The following MYO9A variants were observed in gnomAD, a reference collection of about 807,000 sequenced individuals.
The protein encoded by MYO9A is myosin IXA, also known as unconventional myosin-IXa.
Under a neutral mutation model 293.3 loss-of-function variants are expected in MYO9A, and 103 were observed. The observed-to-expected ratio is 0.35, with a 90% CI of 0.30 to 0.41. MYO9A has a LOEUF of 0.41. Ranked by LOEUF, MYO9A falls within the 10% of genes least tolerant of loss-of-function variation. The pLI is 1.00. For synonymous variants in MYO9A, 1,001 were observed against 1,035.7 expected (o/e 0.97, Z 0.64); for missense variants, 2,685 against 3,033.0 (o/e 0.89, Z 2.69).
At chr15:71,860,668 T>TA (rs199627068) in intron 33 of MYO9A, among the ~76,000 whole-genome samples, 1,942 of 152,116 alleles carry the variant, frequency 0.013, 59 homozygotes, top group Admixed American at 0.058. Flanking sequence ...CTAATTCTAT[T>TA]AAAAAATCAA....
chr15:71,994,613 T>C (rs534254205), intron 9 of MYO9A, 28 bp from the exon 10 acceptor site: 2 of 1,373,176 alleles, frequency 1.5e-6, no homozygotes, highest in East Asian at 2.3e-5. Flanking sequence ...TACAAGTGCA[T>C]GTAGAATTGA....
At chr15:71,913,515 C>T (rs1230621978) in intron 19 of MYO9A, among the ~76,000 whole-genome samples, 3 of 152,164 alleles carry the variant, frequency 2.0e-5, no homozygotes, top group Non-Finnish European at 2.9e-5. Context: ...TTAAAAGATA[C>T]ATTATAGCTA....
At chr15:71,876,105 G>A (rs182361680) in intron 31 of MYO9A, among the ~76,000 whole-genome samples, 37 of 151,886 alleles carry the variant, frequency 2.4e-4, no homozygotes, top group Non-Finnish European at 4.0e-4. Context: ...AGAAGCCACC[G>A]CCATATTAAT....
At chr15:71,971,593 GAAAAAAAAAGA>G (rs1237415192) in intron 12 of MYO9A, among the ~76,000 whole-genome samples, 20 of 53,702 alleles carry the variant, frequency 3.7e-4, no homozygotes, top group Middle Eastern at 9.4e-3. Context: ...CAAAAAAAAA[GAAAAAAAAAGA>G]AAAAAAAAAA....
intron 26 of MYO9A, chr15:71,888,350 C>G (rs1478406951): frequency 3.9e-6 from 1 of 255,454 alleles, no homozygotes; most frequent in East Asian, 7.1e-5. Flanking sequence ...TATTTTCTGA[C>G]AATTTAAAAA....
intron 1 of MYO9A, among the ~76,000 whole-genome samples, chr15:72,092,752 C>T (rs183745842): frequency 1.4e-4 from 21 of 152,248 alleles, no homozygotes; most frequent in Middle Eastern, 3.4e-3. Flanking sequence ...GTTTGAATTT[C>T]ATATGATTTT....
intron 16 of MYO9A, 64 bp from the exon 17 acceptor site, chr15:71,935,548 GTAAAA>G (rs2145880501): frequency 7.1e-7 from 1 of 1,409,806 alleles, no homozygotes; most frequent in African/African-American, 1.5e-5. Context: ...GCTTAAATAA[GTAAAA>G]TAAAACTTTA....
intron 26 of MYO9A, chr15:71,891,767 T>C (rs1205882255): frequency 6.6e-6 from 1 of 152,160 alleles, no homozygotes; most frequent in Non-Finnish European, 1.5e-5. Flanking sequence ...GTTTTTGCCT[T>C]CATAAAACAT....
chr15:72,068,986 T>C (rs922675179), intron 1 of MYO9A, among the ~76,000 whole-genome samples: 4 of 152,170 alleles, frequency 2.6e-5, no homozygotes. Flanking sequence ...TTGCCACTTG[T>C]CTAAGGTTAC....
intron 18 of MYO9A, among the ~76,000 whole-genome samples, chr15:71,918,351 T>C (rs1665773450): frequency 6.6e-6 from 1 of 152,076 alleles, no homozygotes; most frequent in South Asian, 2.1e-4. Context: ...CTTCAAAAAA[T>C]AATGAAAAAT....
chr15:72,012,976 G>GT (rs1265314810), intron 6 of MYO9A, among the ~76,000 whole-genome samples: 1 of 152,122 alleles, frequency 6.6e-6, no homozygotes, highest in Non-Finnish European at 1.5e-5. Context: ...AAAAAAATGT[G>GT]TATTAATTTC....
chr15:72,066,600 C>A (rs974159153), intron 1 of MYO9A, among the ~76,000 whole-genome samples: 1 of 151,950 alleles, frequency 6.6e-6, no homozygotes, highest in Non-Finnish European at 1.5e-5. Context: ...GATACAGACA[C>A]CAGAAGCATG....
In MYO9A at chr15:72,117,677, T is replaced by C. The variant is rs2151287644; in HGVS notation, c.-72+3A>G. The C allele has an allele frequency of 5.0e-6, 2 of 396,374 alleles. No individual in the cohort carries two copies. The highest frequency in any genetic ancestry group is 8.9e-6 in the Non-Finnish European group (2 of 225,006). 24.6% of individuals were successfully genotyped at this position (396,374 alleles called of 1,614,324 possible). On this transcript the variant is annotated splice_donor_region_variant and intron_variant, in intron 1 of 41. Transcript: ENST00000356056. ...GGCCGCTGGGCGCTTGGGCGGGTCTTACCTCGGGCTCCGCCGCGGTGGCCA... is the reference window on the plus strand; with the variant it reads ...GGCCGCTGGGCGCTTGGGCGGGTCTCACCTCGGGCTCCGCCGCGGTGGCCA...
intron 18 of MYO9A, among the ~76,000 whole-genome samples, chr15:71,923,051 A>C (rs1022847509): frequency 6.6e-6 from 1 of 152,090 alleles, no homozygotes; most frequent in Admixed American, 6.5e-5. Context: ...GTTGAGGTAC[A>C]TCTGTTCTGT....
At chr15:72,019,676 G>T (rs950087814) in intron 5 of MYO9A, among the ~76,000 whole-genome samples, 1 of 152,090 alleles carries the variant, frequency 6.6e-6, no homozygotes, top group African/African-American at 2.4e-5. Flanking sequence ...ATTAATATAG[G>T]TAGTTTCAAA....
intron 31 of MYO9A, among the ~76,000 whole-genome samples, chr15:71,877,440 C>T (rs1017917178): frequency 1.3e-5 from 2 of 152,024 alleles, no homozygotes; most frequent in African/African-American, 2.4e-5. Flanking sequence ...TATAATTTTT[C>T]AAAAGGAAAT....
intron 2 of MYO9A, among the ~76,000 whole-genome samples, chr15:72,036,031 T>G (rs2078036779): frequency 6.6e-6 from 1 of 152,058 alleles, no homozygotes; most frequent in Non-Finnish European, 1.5e-5. Flanking sequence ...TCAAAAAAAC[T>G]TAACTCCTCA....
intron 18 of MYO9A, among the ~76,000 whole-genome samples, chr15:71,920,861 T>C (rs1299784282): frequency 2.0e-5 from 3 of 152,084 alleles, no homozygotes; most frequent in African/African-American, 4.8e-5. Context: ...GCACAAGAAC[T>C]GCTTGAACCC....
At chr15:71,837,826 T>C (rs2055002103) in intron 39 of MYO9A, among the ~76,000 whole-genome samples, 1 of 152,174 alleles carries the variant, frequency 6.6e-6, no homozygotes, top group African/African-American at 2.4e-5. Flanking sequence ...CATAAGGTTG[T>C]ATACCATTGG....
Sources: gnomAD v4.1 joint callset for allele counts (sites outside exome capture counted in the v4.1 genomes callset) on GRCh38, gnomAD v4.1.1 for gene constraint, MANE v1.5 for transcripts, NCBI Gene and HGNC (gene_info 2026-07-23, HGNC 2026-07-21) for gene names.